Variants in PCDHA2 observed in about 807,000 individuals in gnomAD.
The protein encoded by PCDHA2 is protocadherin alpha 2.
A neutral mutation model predicts 66.0 loss-of-function variants in PCDHA2; 58 were observed. The ratio of observed to expected loss-of-function variants is 0.88; its 90% confidence interval spans 0.71 to 1.09. The LOEUF is 1.09. Ranked by LOEUF, PCDHA2 falls within the 50% of genes least tolerant of loss-of-function variation. The pLI is 0.00. For missense variants in PCDHA2, 1,267 were observed against 1,242.3 expected, an observed-to-expected ratio of 1.02 and a Z score of -0.30; for synonymous variants, 634 against 554.0, an observed-to-expected ratio of 1.14 and a Z score of -2.03.
intron 1 of PCDHA2, among the ~76,000 whole-genome samples, chr5:140,879,472 G>T (rs546855959): frequency 6.6e-6 from 1 of 152,318 alleles, no homozygotes; most frequent in South Asian, 2.1e-4. Context: ...GAATACCGTT[G>T]TGATTGGAAA....
intron 1 of PCDHA2, among the ~76,000 whole-genome samples, chr5:140,924,565 T>A (rs1213361312): frequency 2.0e-5 from 3 of 152,102 alleles, no homozygotes; most frequent in Admixed American, 2.0e-4. Flanking sequence ...TAATCAGCAA[T>A]TTTTAAATGT....
chr5:140,993,380 C>G (rs1304300325), intron 3 of PCDHA2, among the ~76,000 whole-genome samples: 1 of 151,860 alleles, frequency 6.6e-6, no homozygotes, highest in Non-Finnish European at 1.5e-5. Context: ...CCAGCCGGGT[C>G]CCTGAAACTC....
chr5:140,870,149 T>G (rs2051707862), intron 1 of PCDHA2: 2 of 1,613,952 alleles, frequency 1.2e-6, no homozygotes, highest in Non-Finnish European at 8.5e-7. Context: ...TCTCCTGAAG[T>G]CGCCGTGACT....
In PCDHA2 at chr5:140,979,026, A is replaced by AT. The variant is rs2096832382; in HGVS notation, c.2447+21dup. On this transcript the variant is annotated intron_variant, in intron 2 of 3. Coordinates refer to ENST00000526136, the MANE Select transcript of PCDHA2 (RefSeq NM_018905.3). ...TGCACAGGTATGTATTTCCCTCCTC[A>AT]TTCACTCAGAAGTAACCTTAACTTG... 1 of 1,613,372 alleles carries AT rather than the reference A, an allele frequency of 6.2e-7. No homozygotes were observed. The highest frequency in any genetic ancestry group is 1.3e-5 in the African/African-American group (1 of 74,882).
intron 1 of PCDHA2, among the ~76,000 whole-genome samples, chr5:140,963,905 G>A (rs1326633249): frequency 6.6e-6 from 1 of 152,182 alleles, no homozygotes; most frequent in African/African-American, 2.4e-5. Flanking sequence ...TGAGTAAAGT[G>A]AAGCTTAGGC....
intron 1 of PCDHA2, chr5:140,882,142 G>T: frequency 1.3e-6 from 2 of 1,488,266 alleles, no homozygotes; most frequent in Non-Finnish European, 1.8e-6. Flanking sequence ...AGAAAATATA[G>T]CAGAAAGCGG....
chr5:140,860,511 C>T (rs2046428748), intron 1 of PCDHA2: 2 of 152,066 alleles, frequency 1.3e-5, no homozygotes, highest in Non-Finnish European at 2.9e-5. Flanking sequence ...CAAGATAAAA[C>T]TCTTCATGGA....
chr5:140,847,382 C>T (rs2150399833), intron 1 of PCDHA2: 1 of 149,622 alleles, frequency 6.7e-6, no homozygotes, highest in South Asian at 2.1e-4. Context: ...GATAAATATG[C>T]AAAAACATTA....
chr5:140,921,151 ATTT>A (rs11299094), intron 1 of PCDHA2, among the ~76,000 whole-genome samples: 3 of 151,512 alleles, frequency 2.0e-5, no homozygotes, highest in South Asian at 2.1e-4. Context: ...CAGCTAATGC[ATTT>A]TTTTTTTAAC....
intron 1 of PCDHA2, chr5:140,857,668 C>T (rs1319713687): frequency 6.3e-7 from 1 of 1,596,856 alleles, no homozygotes. Flanking sequence ...GCGATGGGGG[C>T]GTGCCGCCTC....
chr5:140,971,943 A>T (rs2096507947), intron 1 of PCDHA2, among the ~76,000 whole-genome samples: 1 of 152,186 alleles, frequency 6.6e-6, no homozygotes, highest in Non-Finnish European at 1.5e-5. Flanking sequence ...AGTTGTATCC[A>T]TCTGACTCCA....
At chr5:140,812,433 C>T (rs1447584694) in intron 1 of PCDHA2, 1 of 152,044 alleles carries the variant, frequency 6.6e-6, no homozygotes, top group African/African-American at 2.4e-5. Flanking sequence ...AAAAAATCAA[C>T]TAAGTTTAAA....
intron 1 of PCDHA2, chr5:140,968,772 C>T (rs782257554): frequency 1.2e-6 from 2 of 1,614,180 alleles, no homozygotes; most frequent in South Asian, 1.1e-5. Context: ...GGAGAGCCAT[C>T]ACTATCAGCC....
intron 1 of PCDHA2, chr5:140,850,438 T>A: frequency 6.3e-7 from 1 of 1,597,768 alleles, no homozygotes; most frequent in Non-Finnish European, 8.6e-7. Context: ...CAGCGCCTAC[T>A]GGTGCTGGTG....
chr5:140,802,707 C>T (rs782747649), intron 1 of PCDHA2: 4 of 1,612,414 alleles, frequency 2.5e-6, no homozygotes, highest in Non-Finnish European at 3.4e-6. Flanking sequence ...GGAGCGCGCG[C>T]TGTCGAGCTA....
At position 140,822,373 on chromosome 5, in the gene PCDHA2, G is replaced by A. The variant is rs2150115829; in HGVS notation, c.2388+25021G>A. 3 of 1,614,112 alleles carry A rather than the reference G, an allele frequency of 1.9e-6. No individual in the cohort carries two copies. Among genetic ancestry groups the A allele is most frequent in the Admixed American group, 3.3e-5 (2 of 60,034 alleles). ...AGAGCTGGTTTTGAGGAAATCCTTA[G>A]ATAGAGAAGAAACACAAGAACACCG... On this transcript the variant is annotated intron_variant, in intron 1 of 3. Transcript: ENST00000526136.
intron 1 of PCDHA2, among the ~76,000 whole-genome samples, chr5:140,900,209 G>A (rs918328130): frequency 6.6e-6 from 1 of 152,146 alleles, no homozygotes; most frequent in Non-Finnish European, 1.5e-5. Context: ...GTTTCATCCA[G>A]GTTGTTGCAA....
chr5:140,850,076 G>A lies in PCDHA2; in HGVS notation c.2388+52724G>A. Reference sequence around the variant, plus strand: ...CGCTGCAGCCGTTGGACCACGAGGAGCTGGAGCTGCTACAGTTCCAGGTGA... The same window carrying A: ...CGCTGCAGCCGTTGGACCACGAGGAACTGGAGCTGCTACAGTTCCAGGTGA... On this transcript the variant is annotated intron_variant, in intron 1 of 3. Transcript: ENST00000526136. 6 of 1,596,552 alleles carry A rather than the reference G, an allele frequency of 3.8e-6. 1 individual carries two copies. Among genetic ancestry groups the A allele is most frequent in the Non-Finnish European group, 5.1e-6 (6 of 1,167,850 alleles).
chr5:140,998,908 G>A (rs1203319313), intron 3 of PCDHA2, among the ~76,000 whole-genome samples: 2 of 152,162 alleles, frequency 1.3e-5, no homozygotes, highest in East Asian at 1.9e-4. Context: ...CCTCCGGGAG[G>A]TAGCTATTAT....
Sources: gnomAD v4.1 joint callset for allele counts (sites outside exome capture counted in the v4.1 genomes callset) on GRCh38, gnomAD v4.1.1 for gene constraint, MANE v1.5 for transcripts, NCBI Gene and HGNC (gene_info 2026-07-23, HGNC 2026-07-21) for gene names.